The following WDHD1 variants were observed in gnomAD, a reference collection of about 807,000 sequenced individuals.
WDHD1 encodes the protein WD repeat and HMG-box DNA binding protein 1, also known as WD repeat and HMG-box DNA-binding protein 1.
In WDHD1, 111 loss-of-function variants were observed where a neutral mutation model predicts 135.4. The observed-to-expected ratio is 0.82, with a 90% CI of 0.70 to 0.96. The LOEUF is 0.96. WDHD1 is among the 40% of genes least tolerant of loss of function. The pLI, the probability that WDHD1 is intolerant of heterozygous loss-of-function variation, is 0.00. For synonymous variants in WDHD1, 434 were observed against 439.0 expected (o/e 0.99, Z 0.14); for missense variants, 1,351 against 1,336.3 (o/e 1.01, Z -0.17).
intron 2 of WDHD1, among the ~76,000 whole-genome samples, chr14:55,022,443 C>T (rs1390575705): frequency 6.6e-6 from 1 of 152,076 alleles, no homozygotes; most frequent in Non-Finnish European, 1.5e-5. Context: ...TTTTTCCCCC[C>T]ACAGAATAGG....
At chr14:55,011,936 C>T (rs1244804457) in intron 3 of WDHD1, among the ~76,000 whole-genome samples, 1 of 151,946 alleles carries the variant, frequency 6.6e-6, no homozygotes, top group East Asian at 1.9e-4. Flanking sequence ...TCCACATAAA[C>T]TTGAAAATAG....
chr14:55,012,424 T>G (rs915832287), intron 3 of WDHD1, among the ~76,000 whole-genome samples: 1 of 152,206 alleles, frequency 6.6e-6, no homozygotes, highest in Non-Finnish European at 1.5e-5. Flanking sequence ...GAATAAGTCT[T>G]CTTTCTCCAA....
chr14:54,942,370 C>A (rs2140143143), intron 25 of WDHD1, among the ~76,000 whole-genome samples: 2 of 152,216 alleles, frequency 1.3e-5, no homozygotes, highest in South Asian at 4.1e-4. Flanking sequence ...AGCCTTCACC[C>A]AGTTTTCCCC....
chr14:54,949,995 A>C (rs1433724207), intron 24 of WDHD1, among the ~76,000 whole-genome samples: 5 of 152,218 alleles, frequency 3.3e-5, no homozygotes, highest in African/African-American at 1.2e-4. Flanking sequence ...TGAAAGAAGC[A>C]CTAAACATGG....
chr14:54,975,570 A>G (rs1326772478), intron 16 of WDHD1, among the ~76,000 whole-genome samples: 1 of 151,766 alleles, frequency 6.6e-6, no homozygotes, highest in African/African-American at 2.4e-5. Flanking sequence ...ATAGTCTCAA[A>G]CTCCTGACCT....
intron 24 of WDHD1, among the ~76,000 whole-genome samples, chr14:54,946,078 C>T (rs1026806483): frequency 6.6e-6 from 1 of 152,102 alleles, no homozygotes; most frequent in Non-Finnish European, 1.5e-5. Context: ...CAAGGTATAA[C>T]AAAGGTTCCT....
chr14:54,962,575 T>A, intron 20 of WDHD1, 24 bp from the exon 21 acceptor site: 2 of 1,586,798 alleles, frequency 1.3e-6, no homozygotes, highest in South Asian at 2.2e-5. Flanking sequence ...TAAAGCAATA[T>A]AATGTAAATG....
intron 13 of WDHD1, 115 bp from the exon 14 acceptor site, chr14:54,987,502 A>T: frequency 1.1e-6 from 1 of 878,440 alleles, no homozygotes; most frequent in Non-Finnish European, 1.6e-6. Flanking sequence ...TTCCTATTAT[A>T]CACTAGTATA....
chr14:55,021,405 TC>T, intron 2 of WDHD1, among the ~76,000 whole-genome samples: 1 of 151,954 alleles, frequency 6.6e-6, no homozygotes, highest in Non-Finnish European at 1.5e-5. Context: ...CTATTAGCGT[TC>T]CTTTTTTTTT....
At chr14:54,968,735 C>A (rs564728038) in intron 16 of WDHD1, among the ~76,000 whole-genome samples, 1 of 152,242 alleles carries the variant, frequency 6.6e-6, no homozygotes, top group South Asian at 2.1e-4. Flanking sequence ...ATTATGAACA[C>A]TTCTATGTGC....
rs746287396 is a variant in WDHD1, at chr14:54,963,149, T to C, written c.2334A>G (p.Glu778=). 1 of 1,197,296 alleles carries C rather than the reference T, an allele frequency of 8.4e-7. No homozygotes were observed. The highest frequency in any genetic ancestry group is 5.1e-5 in the East Asian group (1 of 19,498). 74.2% of individuals were successfully genotyped at this position (1,197,296 alleles called of 1,614,324 possible). A position where few individuals can be genotyped will look rare whatever the true frequency, so the allele number is the denominator to read the frequency against. Residue 778 remains glutamate, a synonymous_variant, in exon 19 of 26, where the codon GAA becomes GAG. Transcript: ENST00000360586. ...MLALSCKLER[E]FRCVELADLM... The stretch of plus-strand genomic sequence containing the variant: ...GATCAGCAAGTTCCACACAACGGAA[T>C]TCTCGCTCCAGTTTACAAGAAAGCT...
At chr14:54,978,187 T>C (rs2041558266) in intron 16 of WDHD1, among the ~76,000 whole-genome samples, 1 of 152,208 alleles carries the variant, frequency 6.6e-6, no homozygotes, top group Admixed American at 6.5e-5. Flanking sequence ...ACTATTAAGA[T>C]AGACTGTGAA....
chr14:54,965,571 C>A (rs185504317), intron 18 of WDHD1, among the ~76,000 whole-genome samples: 1 of 152,190 alleles, frequency 6.6e-6, no homozygotes, highest in East Asian at 1.9e-4. Flanking sequence ...CTTGAGAGCC[C>A]GTTAAAACAT....
intron 10 of WDHD1, among the ~76,000 whole-genome samples, chr14:54,999,398 A>C (rs1194745613): frequency 6.6e-6 from 1 of 152,026 alleles, no homozygotes; most frequent in African/African-American, 2.4e-5. Flanking sequence ...AGACTAGAAC[A>C]CTCTATGTGC....
At chr14:55,025,398 T>C (rs1212073940) in intron 2 of WDHD1, among the ~76,000 whole-genome samples, 1 of 151,408 alleles carries the variant, frequency 6.6e-6, no homozygotes, top group Non-Finnish European at 1.5e-5. Flanking sequence ...CCGGGTCCCC[T>C]TATTTCTTTC....
intron 18 of WDHD1, among the ~76,000 whole-genome samples, chr14:54,964,500 G>A (rs2041309706): frequency 6.6e-6 from 1 of 152,124 alleles, no homozygotes; most frequent in Non-Finnish European, 1.5e-5. Flanking sequence ...ATTAGCTGGT[G>A]TGGTGGCAGA....
At chr14:55,016,386 T>C (rs111511584) in intron 2 of WDHD1, among the ~76,000 whole-genome samples, 16 of 152,298 alleles carry the variant, frequency 1.1e-4, no homozygotes, top group African/African-American at 3.9e-4. Context: ...AAAATATAAC[T>C]TGAATAAAAT....
intron 24 of WDHD1, among the ~76,000 whole-genome samples, chr14:54,946,297 C>A (rs1160679078): frequency 6.6e-6 from 1 of 152,236 alleles, no homozygotes; most frequent in African/African-American, 2.4e-5. Flanking sequence ...AGCAACCCTT[C>A]TGACTCAACC....
chr14:54,972,451 G>A (rs758055902), intron 16 of WDHD1, among the ~76,000 whole-genome samples: 6 of 147,928 alleles, frequency 4.1e-5, no homozygotes, highest in African/African-American at 1.2e-4. Flanking sequence ...GGTGGTGAAC[G>A]CCTGTAATCC....
Sources: gnomAD v4.1 joint callset for allele counts (sites outside exome capture counted in the v4.1 genomes callset) on GRCh38, gnomAD v4.1.1 for gene constraint, MANE v1.5 for transcripts, NCBI Gene and HGNC (gene_info 2026-07-23, HGNC 2026-07-21) for gene names.